Variants in KMT2D observed in about 807,000 individuals in gnomAD.
The protein encoded by KMT2D is histone-lysine N-methyltransferase 2D.
KMT2D carries 55 observed loss-of-function variants against 512.7 expected under a neutral mutation model. That is an observed-to-expected ratio of 0.11 (90% CI 0.09 to 0.13). KMT2D has a LOEUF of 0.13. KMT2D is among the 10% of genes least tolerant of loss of function. The pLI is 1.00. For missense variants in KMT2D, 6,061 were observed against 7,127.9 expected (o/e 0.85, Z 5.39); for synonymous variants, 2,995 against 2,904.0 (o/e 1.03, Z -1.01).
At chr12:49,036,349 T>C (rs1161086754) in intron 35 of KMT2D, among the ~76,000 whole-genome samples, 2 of 151,590 alleles carry the variant, frequency 1.3e-5, no homozygotes, top group Non-Finnish European at 2.9e-5. Flanking sequence ...TCTCGCTCTG[T>C]TGCCCAGCCT....
chr12:49,025,730 A>G (rs1032964184), intron 49 of KMT2D, among the ~76,000 whole-genome samples: 1 of 152,252 alleles, frequency 6.6e-6, no homozygotes, highest in Non-Finnish European at 1.5e-5. Flanking sequence ...AAACTACACA[A>G]ATCACTTAGC....
intron 7 of KMT2D, 76 bp downstream of exon 7, chr12:49,053,400 C>G (rs1938203013): frequency 5.6e-6 from 9 of 1,605,432 alleles, no homozygotes; most frequent in Non-Finnish European, 7.7e-6. Context: ...TGTTAACAGG[C>G]CTTCTCCGAC....
In KMT2D at chr12:49,021,511, C is replaced by T; in HGVS notation, c.*269G>A. ...CATATCCCCCTCAAACCTGAGATGC[C>T]CAATGGCTGCTTCTGTCTGGCCCCT... On this transcript the variant is annotated 3_prime_UTR_variant, in exon 55 of 55. Coordinates refer to ENST00000301067, the MANE Select transcript of KMT2D (RefSeq NM_003482.4). The T allele has an allele frequency of 7.8e-6, 4 of 512,310 alleles. No individual in the cohort carries two copies. The highest frequency in any genetic ancestry group is 3.1e-5 in the East Asian group (1 of 32,330). The allele number at this position is 512,310 out of a possible 1,614,324, so 31.7% of individuals were successfully genotyped here.
In KMT2D at chr12:49,033,853, C is replaced by A; in HGVS notation, c.10852G>T (p.Ala3618Ser). Residue 3618 changes from alanine to serine, a missense_variant, in exon 40 of 55, where the codon GCT becomes TCT. Physicochemically the swap from Ala to Ser is moderately conservative, Grantham distance 99. Transcript: ENST00000301067. The stretch of plus-strand genomic sequence containing the variant: ...CGGGGACTCTGGGAAGGGCTGAGAG[C>A]CAGCACAGCTGAGTGCTGTTGCTGT... ...QQQQQHSAVL[A>S]LSPSQSPRLL... is the part of the protein sequence containing the mutation. 5 of 1,559,836 alleles carry A rather than the reference C, an allele frequency of 3.2e-6. No individual in the cohort carries two copies. The highest frequency in any genetic ancestry group is 4.3e-6 in the Non-Finnish European group (5 of 1,154,500).
Position 49,045,927 on chromosome 12 carries a change from T to C in KMT2D, c.4734A>G (p.Lys1578=), listed in dbSNP as rs775607396. 6.2e-7 allele frequency: 1 copy of C among 1,613,872 alleles called. No individual in the cohort carries two copies. The highest frequency in any genetic ancestry group is 8.5e-7 in the Non-Finnish European group (1 of 1,179,766). ...APPELVPMKV[K]EPEPQYFRFE... is the part of the protein sequence containing the mutation. ...AAAATTTCTGTGACTCACCTGGCTC[T>C]TTCACCTTCATGGGCACCAGCTCTG... The change falls in exon 19 of 55, where the codon AAA becomes AAG. Residue 1578 remains lysine (K), a synonymous_variant. Coordinates refer to ENST00000301067, the MANE Select transcript of KMT2D (RefSeq NM_003482.4).
At position 49,046,144 on chromosome 12, in the gene KMT2D, G is replaced by A. The variant is rs1348873190; in HGVS notation, c.4614C>T (p.Phe1538=). The A allele has an allele frequency of 8.1e-6, 13 of 1,611,154 alleles. No individual in the cohort carries two copies. The highest frequency in any genetic ancestry group is 1.1e-5 in the Non-Finnish European group (13 of 1,178,622). The change falls in exon 18 of 55, where the codon TTC becomes TTT. Residue 1538 remains phenylalanine (F), a synonymous_variant. Coordinates refer to ENST00000301067, the MANE Select transcript of KMT2D (RefSeq NM_003482.4). The surrounding 1 kb of genome is among the most constrained non-coding windows in gnomAD (Gnocchi z 4.2). ...RWMHAGCESL[F]TEDDVEQAAD... Reference sequence around the variant, plus strand: ...CTGCCTGCTCCACATCGTCCTCTGTGAAGAGGCTCTCACAGCCTGCATGCA... The same window carrying A: ...CTGCCTGCTCCACATCGTCCTCTGTAAAGAGGCTCTCACAGCCTGCATGCA...
In KMT2D at chr12:49,038,097, G is replaced by C. The variant is rs538335897; in HGVS notation, c.9259C>G (p.Arg3087Gly). The C allele has an allele frequency of 2.9e-5, 46 of 1,613,790 alleles. No homozygotes were observed. In the South Asian group the frequency reaches 3.8e-4, roughly 13 times the overall value. Residue 3087 changes from arginine (R) to glycine (G), a missense_variant, in exon 35 of 55, where the codon CGG (arginine) becomes GGG (glycine). Arg to Gly is a moderately radical substitution (Grantham distance 125). Coordinates refer to ENST00000301067, the MANE Select transcript of KMT2D (RefSeq NM_003482.4). This position sits in a 1 kb window ranked among gnomAD's most constrained non-coding sequence, Gnocchi z 5.7. Reference protein sequence around the residue: ...NEKAEREALLRGVEPGPLGPE... With the variant: ...NEKAEREALLGGVEPGPLGPE... ...CCCAAGGGTCCTGGCTCCACCCCCC[G>C]CAGCAGGGCCTCCCGTTCAGCCTTC...
rs1049363934 is a variant in KMT2D at position 49,046,630 on chromosome 12, T to C, written c.4397A>G (p.Lys1466Arg). ...CLDPPLLTVP[K>R]GGWKCKWCVS... ...TTACCACTTGCACTTCCAGCCGCCC[T>C]TGGGGACGGTGAGCAGTGGGGGGTC... Residue 1466 changes from lysine to arginine, a missense_variant, in exon 16 of 55, where the codon AAG becomes AGG. Coordinates refer to ENST00000301067, the MANE Select transcript of KMT2D (RefSeq NM_003482.4). This position sits in a 1 kb window ranked among gnomAD's most constrained non-coding sequence, Gnocchi z 4.2. 3.1e-6 allele frequency: 5 copies of C among 1,612,940 alleles called. No individual in the cohort carries two copies. Among genetic ancestry groups the C allele is most frequent in the Non-Finnish European group, 4.2e-6 (5 of 1,179,178 alleles).
rs942999470 is a variant in KMT2D at position 49,034,726 on chromosome 12, A to G, written c.10356-60T>C. On this transcript the variant is annotated intron_variant, in intron 36 of 54. Transcript: ENST00000301067. ...GCAATAAGAAAGTTGGAAAGCAAAGAGACGTGGGACAAGTAGGGAGGGGAG... is the reference window on the plus strand; with the variant it reads ...GCAATAAGAAAGTTGGAAAGCAAAGGGACGTGGGACAAGTAGGGAGGGGAG... The G allele has an allele frequency of 5.6e-6, 9 of 1,606,888 alleles. No homozygotes were observed. In the African/African-American group the frequency reaches 9.4e-5, roughly 17 times the overall value.
rs2120705684 is a variant in KMT2D, at chr12:49,054,184, C to T, written c.511-44G>A. The T allele has an allele frequency of 6.4e-7, 1 of 1,551,748 alleles. No individual in the cohort carries two copies. The highest frequency in any genetic ancestry group is 1.2e-5 in the South Asian group (1 of 84,184). ...AGCCTCAGTGTCAGCCAGCTCTCCCCAGACAAACAGTTCAGGCACTAGCTC... is the reference window on the plus strand; with the variant it reads ...AGCCTCAGTGTCAGCCAGCTCTCCCTAGACAAACAGTTCAGGCACTAGCTC... On this transcript the variant is annotated intron_variant, in intron 5 of 54. Transcript: ENST00000301067. The surrounding 1 kb of genome is among the most constrained non-coding windows in gnomAD (Gnocchi z 6.4).
rs1030706328 is a variant in KMT2D, at chr12:49,049,709, G to A, written c.3879C>T (p.Ser1293=). 5 of 1,596,868 alleles carry A rather than the reference G, an allele frequency of 3.1e-6. No individual in the cohort carries two copies. In the African/African-American group the frequency reaches 4.0e-5, roughly 13 times the overall value. Residue 1293 remains serine, a synonymous_variant, in exon 12 of 55, where the codon AGC becomes AGT. Coordinates refer to ENST00000301067, the MANE Select transcript of KMT2D (RefSeq NM_003482.4). ...KAEGEKGRRR[S]SPARSRIKQG... is the part of the protein sequence containing the mutation. ...GTTTGATGCGGGAACGGGCTGGGGA[G>A]CTGCGCCGCCGCCCCTTCTCCCCCT... is the stretch of plus-strand genomic sequence containing the variant.
Position 49,043,319 on chromosome 12 carries a change from C to T in KMT2D, c.5533+44G>A, listed in dbSNP as rs1243258349. 2.5e-6 allele frequency: 4 copies of T among 1,600,276 alleles called. No individual in the cohort carries two copies. In the African/African-American group the frequency reaches 4.0e-5, roughly 16 times the overall value. On this transcript the variant is annotated intron_variant, in intron 25 of 54. Transcript: ENST00000301067. ...CAGGGGCACAGCAGAGGGACAGAGGCAAGCAAGGCCAAGACAGGACACAGT... is the reference window on the plus strand; with the variant it reads ...CAGGGGCACAGCAGAGGGACAGAGGTAAGCAAGGCCAAGACAGGACACAGT...
At position 49,024,570 on chromosome 12, in the gene KMT2D, A is replaced by G. The variant is rs1942481778; in HGVS notation, c.16052+8T>C. The G allele has an allele frequency of 1.2e-6, 2 of 1,600,956 alleles. No homozygotes were observed. Among genetic ancestry groups the G allele is most frequent in the Non-Finnish European group, 1.7e-6 (2 of 1,171,450 alleles). On this transcript the variant is annotated splice_region_variant and intron_variant, in intron 51 of 54. Transcript: ENST00000301067. The surrounding 1 kb of genome is among the most constrained non-coding windows in gnomAD (Gnocchi z 4.5). ...CCACATCCCTTGGCTCCAGCATCAC[A>G]AGCTCACCGTTTGTAGTGTGTGAGG... is the stretch of plus-strand genomic sequence containing the variant.
chr12:49,033,001 G>C lies in KMT2D; in HGVS notation c.11704C>G (p.Gln3902Glu), dbSNP rs1048666076. 5.8e-6 allele frequency: 9 copies of C among 1,551,326 alleles called. No individual in the cohort carries two copies. Among genetic ancestry groups the C allele is most frequent in the Non-Finnish European group, 7.8e-6 (9 of 1,146,980 alleles). Reference sequence around the variant, plus strand: ...TGTTGCTGTTGCAGCTGCTGCTGCTGCTGAAGCTGCTGTAAAGAGCCCATG... The same window carrying C: ...TGTTGCTGTTGCAGCTGCTGCTGCTCCTGAAGCTGCTGTAAAGAGCCCATG... ...QPMGSLQQLQ[Q>E]QQQLQQQQQL... is the part of the protein sequence containing the mutation. The change falls in exon 40 of 55, where the codon CAG becomes GAG. Residue 3902 changes from glutamine (Q) to glutamate (E), a missense_variant. Physicochemically the swap from Gln to Glu is conservative, Grantham distance 29. This residue lies in a region of KMT2D where 1,600 missense variants were observed against 1,754.9 expected (regional missense o/e 0.91). Transcript: ENST00000301067.
Position 49,051,054 on chromosome 12 carries a change from G to C in KMT2D, c.2629C>G (p.Pro877Ala). The stretch of plus-strand genomic sequence containing the variant: ...GGAGGGAACAAGGGCAGCTCCTCAG[G>C]TGCAGGGCATTGGCCTGGCTCCTCA... ...PPEEPGQCPA[P>A]EELPLFPPPG... The change falls in exon 11 of 55, where the codon CCT becomes GCT. Residue 877 changes from proline (P) to alanine (A), a missense_variant. Physicochemically the swap from Pro to Ala is conservative, Grantham distance 27. Around this residue, in one of 16 missense-constraint regions of KMT2D, gnomAD observed 848 missense variants for 838.5 expected, o/e 1.01. Transcript: ENST00000301067. 6.5e-7 allele frequency: 1 copy of C among 1,536,744 alleles called. No homozygotes were observed. Among genetic ancestry groups the C allele is most frequent in the East Asian group, 2.3e-5 (1 of 44,298 alleles).
rs944680171 is a variant in KMT2D at position 49,032,988 on chromosome 12, AGCT to A, written c.11714_11716del (p.Gln3905del). The A allele has an allele frequency of 4.5e-6, 7 of 1,550,376 alleles. No individual in the cohort carries two copies. Among genetic ancestry groups the A allele is most frequent in the Non-Finnish European group, 5.2e-6 (6 of 1,146,628 alleles). ...CTGCTGAAGTTGCTGTTGCTGTTGC[AGCT>A]GCTGCTGCTGCTGAAGCTGCTGTAA... On this transcript the variant is annotated inframe_deletion, in exon 40 of 55. Transcript: ENST00000301067.
chr12:49,039,064 G>A lies in KMT2D; in HGVS notation c.8367-75C>T, dbSNP rs2120508710. 1 of 1,520,554 alleles carries A rather than the reference G, an allele frequency of 6.6e-7. No homozygotes were observed. The highest frequency in any genetic ancestry group is 9.0e-7 in the Non-Finnish European group (1 of 1,109,224). The allele number at this position is 1,520,554 out of a possible 1,614,324, so 94.2% of individuals were successfully genotyped here. On this transcript the variant is annotated intron_variant, in intron 34 of 54. Transcript: ENST00000301067. This position sits in a 1 kb window ranked among gnomAD's most constrained non-coding sequence, Gnocchi z 5.0. ...AAGAACATGGGCTTAGGGCAGTGAGGAAGGATAGAATTAATGCAGTGAGGG... is the reference window on the plus strand; with the variant it reads ...AAGAACATGGGCTTAGGGCAGTGAGAAAGGATAGAATTAATGCAGTGAGGG...
Position 49,059,059 on chromosome 12 carries a change from G to C in KMT2D, c.-38+554C>G, listed in dbSNP as rs1388179624. On this transcript the variant is annotated intron_variant, in intron 1 of 54. Transcript: ENST00000301067. Reference sequence around the variant, plus strand: ...CCAGCTACCCCCTTCATCACAACTAGTCAGTTTCCACACACTCTCCCTTTG... The same window carrying C: ...CCAGCTACCCCCTTCATCACAACTACTCAGTTTCCACACACTCTCCCTTTG... 4.6e-5 allele frequency among the ~76,000 whole-genome samples: 7 copies of C among 152,200 alleles called. No homozygotes were observed. The East Asian group carries it at 1.2e-3, about 25-fold the overall frequency.
rs1467779774 is a variant in KMT2D, at chr12:49,053,690, C to T, written c.674-49G>A. 3.2e-6 allele frequency: 5 copies of T among 1,544,446 alleles called. No individual in the cohort carries two copies. The African/African-American group carries it at 6.8e-5, about 21-fold the overall frequency. ...GGTCAGCTATGGATTCCTTGTAAGC[C>T]TCAGCACATTGCTGTACACAAAACA... On this transcript the variant is annotated intron_variant, in intron 6 of 54. Coordinates refer to ENST00000301067, the MANE Select transcript of KMT2D (RefSeq NM_003482.4).
Sources: gnomAD v4.1 joint callset for allele counts (sites outside exome capture counted in the v4.1 genomes callset) on GRCh38, gnomAD v4.1.1 for gene constraint, gnomAD v4.1.1 regional missense constraint, Gnocchi (gnomAD v3.1) non-coding constraint, MANE v1.5 for transcripts, NCBI Gene and HGNC (gene_info 2026-07-23, HGNC 2026-07-21) for gene names.